POSTN: variants seen among roughly 807,000 people sequenced by gnomAD.
POSTN encodes the protein osteoblast specific factor 2 (fasciclin I-like).
A neutral mutation model predicts 104.5 loss-of-function variants in POSTN; 71 were observed. That is an observed-to-expected ratio of 0.68 (90% CI 0.56 to 0.83). The LOEUF (loss-of-function observed/expected upper bound fraction) is 0.83, where lower values mean the gene tolerates loss of function less well. Ranked by LOEUF, POSTN falls within the 40% of genes least tolerant of loss-of-function variation. POSTN has a pLI of 0.00. For missense variants in POSTN, 949 were observed against 1,006.8 expected (o/e 0.94, Z 0.78); for synonymous variants, 355 against 340.7 (o/e 1.04, Z -0.46).
At chr13:37,596,593 C>G (rs1027176944) in intron 2 of POSTN, among the ~76,000 whole-genome samples, 1 of 152,070 alleles carries the variant, frequency 6.6e-6, no homozygotes, top group African/African-American at 2.4e-5. Flanking sequence ...GATGAGCTTC[C>G]GTTATCACCT....
intron 17 of POSTN, among the ~76,000 whole-genome samples, chr13:37,572,751 G>A (rs775018697): frequency 2.0e-5 from 3 of 151,468 alleles, no homozygotes; most frequent in Admixed American, 2.0e-4. Context: ...TCTTTTATAA[G>A]AGACACCTTA....
intron 2 of POSTN, 128 bp from the exon 3 acceptor site, chr13:37,592,292 C>G: frequency 1.6e-6 from 1 of 628,284 alleles, no homozygotes; most frequent in Non-Finnish European, 2.7e-6. Flanking sequence ...TTTTTTTTCC[C>G]CCCTGATTTT....
At chr13:37,588,345 A>T (rs1593356512) in intron 4 of POSTN, among the ~76,000 whole-genome samples, 2 of 152,126 alleles carry the variant, frequency 1.3e-5, no homozygotes, top group East Asian at 3.8e-4. Flanking sequence ...AAATGACATT[A>T]TATTTGTATG....
intron 22 of POSTN, among the ~76,000 whole-genome samples, chr13:37,564,180 A>C (rs1950010957): frequency 1.7e-5 from 1 of 60,178 alleles, no homozygotes; most frequent in African/African-American, 5.1e-5. Flanking sequence ...ACAAAACATT[A>C]CATATATATA....
Position 37,571,395 on chromosome 13 carries a change from TC to T in POSTN, c.2152del (p.Glu718LysfsTer3). On this transcript the variant is annotated frameshift_variant, in exon 18 of 23. Transcript: ENST00000379747. LOFTEE classifies it high-confidence loss of function. ...EPEFRLIKEG[E>X]TITEVIHGEP... ...TCCATGGATCACTTCAGTTATTGTT[TC>T]ACCTTCTTTAATCAGTCTGAATTCA... 6.2e-7 allele frequency: 1 copy of T among 1,609,518 alleles called. No homozygotes were observed. Among genetic ancestry groups the T allele is most frequent in the Non-Finnish European group, 8.5e-7 (1 of 1,176,388 alleles).
At chr13:37,584,558 T>C (rs1425389633) in intron 8 of POSTN, among the ~76,000 whole-genome samples, 158 bp downstream of exon 8, 3 of 152,184 alleles carry the variant, frequency 2.0e-5, no homozygotes, top group South Asian at 2.1e-4. Flanking sequence ...TGCCTATCTA[T>C]GGAGTGCTCA....
intron 6 of POSTN, 111 bp from the exon 7 acceptor site, chr13:37,586,391 TTTG>T (rs1434204090): frequency 3.1e-5 from 35 of 1,126,078 alleles, no homozygotes; most frequent in Non-Finnish European, 4.1e-5. Context: ...ACTATAGAGG[TTTG>T]TTGTTGTTAA....
chr13:37,573,801 C>T (rs191290886), intron 17 of POSTN, among the ~76,000 whole-genome samples: 1 of 151,504 alleles, frequency 6.6e-6, no homozygotes, highest in African/African-American at 2.4e-5. Flanking sequence ...GATCCTTGGA[C>T]ATAATTAAAA....
At chr13:37,586,470 A>C (rs1950748498) in intron 6 of POSTN, among the ~76,000 whole-genome samples, 190 bp from the exon 7 acceptor site, 1 of 152,200 alleles carries the variant, frequency 6.6e-6, no homozygotes, top group African/African-American at 2.4e-5. Flanking sequence ...TGTGTTTGCA[A>C]GAATGGGAAT....
In POSTN at chr13:37,563,358, C is replaced by T. The variant is rs1251739508; in HGVS notation, c.2486G>A (p.Arg829Gln). The T allele has an allele frequency of 6.9e-6, 11 of 1,585,396 alleles. No homozygotes were observed. Among genetic ancestry groups the T allele is most frequent in the Admixed American group, 1.7e-5 (1 of 59,418 alleles). ...ANKKVQGSRR[R>Q]LREGRSQ ...TCACTGAGAACGACCTTCCCTTAATCGTCTTCTAGATCCTAATTAGAAAGA... is the reference window on the plus strand; with the variant it reads ...TCACTGAGAACGACCTTCCCTTAATTGTCTTCTAGATCCTAATTAGAAAGA... Residue 829 changes from arginine (R) to glutamine (Q), a missense_variant, in exon 23 of 23, where the codon CGA becomes CAA. Physicochemically the swap from Arg to Gln is conservative, Grantham distance 43. Coordinates refer to ENST00000379747, the MANE Select transcript of POSTN (RefSeq NM_006475.3).
At chr13:37,594,174 A>C (rs963933164) in intron 2 of POSTN, among the ~76,000 whole-genome samples, 1 of 152,142 alleles carries the variant, frequency 6.6e-6, no homozygotes, top group African/African-American at 2.4e-5. Flanking sequence ...AATTGCTTAT[A>C]TATTAGCTTT....
At chr13:37,571,622 G>A (rs1047916697) in intron 17 of POSTN, 164 bp from the exon 18 acceptor site, 10 of 522,782 alleles carry the variant, frequency 1.9e-5, no homozygotes, top group East Asian at 9.9e-5. Flanking sequence ...CTTCAAATTA[G>A]ACAAGAGTTA....
chr13:37,574,860 C>T (rs1950361260), intron 16 of POSTN, among the ~76,000 whole-genome samples: 1 of 151,716 alleles, frequency 6.6e-6, no homozygotes, highest in South Asian at 2.1e-4. Flanking sequence ...AGTCTAGTGA[C>T]TTGAATTTGA....
In POSTN at chr13:37,563,377, A is replaced by G. The variant is rs565663813; in HGVS notation, c.2474-7T>C. 19 of 1,570,684 alleles carry G rather than the reference A, an allele frequency of 1.2e-5. No individual in the cohort carries two copies. In the South Asian group the frequency reaches 2.0e-4, roughly 16 times the overall value. On this transcript the variant is annotated splice_region_variant and splice_polypyrimidine_tract_variant and intron_variant, in intron 22 of 22. Coordinates refer to ENST00000379747, the MANE Select transcript of POSTN (RefSeq NM_006475.3). ...CTTAATCGTCTTCTAGATCCTAATT[A>G]GAAAGAAAGGAGAATGTATAGACTG...
intron 2 of POSTN, among the ~76,000 whole-genome samples, chr13:37,595,275 C>A (rs890204260): frequency 5.9e-5 from 9 of 151,986 alleles, no homozygotes; most frequent in Admixed American, 2.0e-4. Context: ...ATATAAATAA[C>A]AAAGAGGAAA....
intron 9 of POSTN, among the ~76,000 whole-genome samples, chr13:37,582,824 C>T (rs1593343431): frequency 6.6e-6 from 1 of 152,132 alleles, no homozygotes; most frequent in East Asian, 1.9e-4. Context: ...TAATGGTGGC[C>T]AAGGCTTTGT....
At chr13:37,598,574 A>T in intron 1 of POSTN, 34 bp downstream of exon 1, 1 of 1,587,132 alleles carries the variant, frequency 6.3e-7, no homozygotes. Context: ...GAGGAAAAAG[A>T]AAAATGGTTT....
chr13:37,569,367 G>T lies in POSTN; in HGVS notation c.2364C>A (p.Thr788=), dbSNP rs759519405. ...KLLQEEVTKV[T]KFIEGGDGHL... is the part of the protein sequence containing the mutation. ...GACCATCACCACCTTCAATGAATTT[G>T]GTGACCTTGGTGACCTCTGAGAGGA... Residue 788 remains threonine (T), a synonymous_variant, in exon 21 of 23, where the codon ACC becomes ACA. Transcript: ENST00000379747. The T allele has an allele frequency of 6.2e-7, 1 of 1,611,912 alleles. No individual in the cohort carries two copies. The highest frequency in any genetic ancestry group is 1.1e-5 in the South Asian group (1 of 91,018).
chr13:37,577,422 A>ATT (rs1950441673), intron 16 of POSTN, among the ~76,000 whole-genome samples: 1 of 152,224 alleles, frequency 6.6e-6, no homozygotes, highest in Non-Finnish European at 1.5e-5. Context: ...GTGTCCACAC[A>ATT]TCTGAATTTT....
Sources: allele counts gnomAD v4.1 joint callset (sites outside exome capture counted in the v4.1 genomes callset), GRCh38; gene constraint gnomAD v4.1.1; transcripts MANE v1.5; gene names NCBI Gene and HGNC (gene_info 2026-07-23, HGNC 2026-07-21).